The following DLC1 variants were observed in gnomAD, a reference collection of about 807,000 sequenced individuals.
DLC1 encodes the protein rho GTPase-activating protein 7.
A neutral mutation model predicts 140.3 loss-of-function variants in DLC1; 54 were observed. The ratio of observed to expected loss-of-function variants is 0.38; its 90% CI spans 0.31 to 0.48. The LOEUF (loss-of-function observed/expected upper bound fraction) is 0.48. DLC1 is among the 20% of genes least tolerant of loss of function. DLC1 has a pLI of 0.96. For synonymous variants in DLC1, 986 were observed against 728.1 expected, an observed-to-expected ratio of 1.35 and a Z score of -5.70; for missense variants, 2,536 against 1,907.0, an observed-to-expected ratio of 1.33 and a Z score of -6.14.
intron 5 of DLC1, among the ~76,000 whole-genome samples, chr8:13,188,797 G>A (rs1585871583): frequency 2.5e-5 from 2 of 79,936 alleles, no homozygotes; most frequent in Non-Finnish European, 4.9e-5. Context: ...GTGTGTGTGT[G>A]TGTGTATATA....
intron 5 of DLC1, among the ~76,000 whole-genome samples, chr8:13,149,957 C>A (rs770267474): frequency 6.6e-6 from 1 of 152,200 alleles, no homozygotes; most frequent in Non-Finnish European, 1.5e-5. Flanking sequence ...TTAAAGAAAT[C>A]TTCTCAAGGA....
chr8:13,486,403 C>T (rs1228980816), intron 2 of DLC1, among the ~76,000 whole-genome samples: 3 of 152,106 alleles, frequency 2.0e-5, no homozygotes, highest in Admixed American at 2.0e-4. Context: ...CATTTCCTTT[C>T]ATCATTTAAG....
intron 5 of DLC1, among the ~76,000 whole-genome samples, chr8:13,260,607 G>T (rs1019474775): frequency 6.6e-6 from 1 of 152,084 alleles, no homozygotes; most frequent in Non-Finnish European, 1.5e-5. Flanking sequence ...TAAAGGTGAG[G>T]ATAGGACAAG....
intron 2 of DLC1, among the ~76,000 whole-genome samples, chr8:13,452,385 T>G (rs1799106694): frequency 6.6e-6 from 1 of 152,136 alleles, no homozygotes; most frequent in Admixed American, 6.6e-5. Flanking sequence ...CAATTTATGT[T>G]ATCCTATCTA....
At chr8:13,547,217 T>A (rs1370329858) in intron 1 of DLC1, among the ~76,000 whole-genome samples, 1 of 151,716 alleles carries the variant, frequency 6.6e-6, no homozygotes, top group African/African-American at 2.4e-5. Flanking sequence ...AACTGAACAA[T>A]TTTTTTATGA....
intron 4 of DLC1, among the ~76,000 whole-genome samples, chr8:13,353,908 A>G (rs1035720232): frequency 2.0e-5 from 3 of 152,072 alleles, no homozygotes; most frequent in Non-Finnish European, 2.9e-5. Context: ...GTGCCACACT[A>G]TGAGTCAATG....
intron 2 of DLC1, among the ~76,000 whole-genome samples, chr8:13,409,953 G>C (rs1475484379): frequency 6.6e-6 from 1 of 152,078 alleles, no homozygotes; most frequent in Non-Finnish European, 1.5e-5. Flanking sequence ...AGCTAGGTTT[G>C]AGGAACATTT....
chr8:13,499,887 G>C lies in DLC1; in HGVS notation c.185C>G (p.Pro62Arg). The C allele has an allele frequency of 1.9e-6, 3 of 1,614,102 alleles. No homozygotes were observed. Among genetic ancestry groups the C allele is most frequent in the Non-Finnish European group, 2.5e-6 (3 of 1,179,994 alleles). Residue 62 changes from proline (P) to arginine (R), a missense_variant, in exon 2 of 18, where the codon CCT becomes CGT. By Grantham distance (103) the Pro-to-Arg change is moderately radical. Transcript: ENST00000276297. ...VDRKEKCVSL[P>R]DCCHGSELRD... ...CAGCTCTGATCCATGACAGCAGTCA[G>C]GTAGTGAAACACACTTCTCTTTGCG...
intron 1 of DLC1, among the ~76,000 whole-genome samples, chr8:13,570,836 G>C (rs1038403678): frequency 6.6e-6 from 1 of 151,998 alleles, no homozygotes; most frequent in African/African-American, 2.4e-5. Context: ...AGAAAGTTTA[G>C]TTTGTAGAGT....
intron 7 of DLC1, among the ~76,000 whole-genome samples, chr8:13,107,257 T>G (rs1409235183): frequency 6.6e-6 from 1 of 152,228 alleles, no homozygotes; most frequent in Non-Finnish European, 1.5e-5. Flanking sequence ...TCTACAAGTC[T>G]TCTTGCCCTG....
At chr8:13,287,340 G>A (rs1303951975) in intron 5 of DLC1, among the ~76,000 whole-genome samples, 1 of 152,024 alleles carries the variant, frequency 6.6e-6, no homozygotes, top group African/African-American at 2.4e-5. Flanking sequence ...TGAATCTAAC[G>A]ATAAAAAAAT....
intron 2 of DLC1, among the ~76,000 whole-genome samples, chr8:13,453,871 A>T (rs911904378): frequency 6.6e-6 from 1 of 152,086 alleles, no homozygotes; most frequent in African/African-American, 2.4e-5. Flanking sequence ...TTGTTTAAGT[A>T]AATAAATGTA....
intron 3 of DLC1, among the ~76,000 whole-genome samples, chr8:13,398,510 A>G (rs940818295): frequency 6.6e-6 from 1 of 151,244 alleles, no homozygotes; most frequent in East Asian, 2.0e-4. Flanking sequence ...CATGCTTATA[A>G]TCCCAACACA....
At chr8:13,245,958 C>A (rs1443113962) in intron 5 of DLC1, among the ~76,000 whole-genome samples, 1 of 152,000 alleles carries the variant, frequency 6.6e-6, no homozygotes, top group Non-Finnish European at 1.5e-5. Flanking sequence ...CGCCTCAACC[C>A]CTCAAAGTGC....
intron 2 of DLC1, among the ~76,000 whole-genome samples, chr8:13,447,060 TA>T (rs544349913): frequency 1.3e-5 from 2 of 152,164 alleles, no homozygotes; most frequent in Non-Finnish European, 2.9e-5. Context: ...TTGTGATTTT[TA>T]AAAATTTCTC....
intron 2 of DLC1, among the ~76,000 whole-genome samples, chr8:13,495,064 T>G (rs1313365816): frequency 6.6e-6 from 1 of 152,248 alleles, no homozygotes; most frequent in Admixed American, 6.5e-5. Flanking sequence ...GGTGTCTTCT[T>G]AAAGTTCAGA....
chr8:13,494,962 C>G (rs1232308895), intron 2 of DLC1, among the ~76,000 whole-genome samples: 5 of 151,996 alleles, frequency 3.3e-5, no homozygotes, highest in Admixed American at 6.6e-5. Flanking sequence ...AAGAAATAAA[C>G]AAACACACAC....
intron 5 of DLC1, among the ~76,000 whole-genome samples, chr8:13,254,528 C>T (rs896606246): frequency 1.3e-5 from 2 of 152,164 alleles, no homozygotes; most frequent in Non-Finnish European, 2.9e-5. Flanking sequence ...CCATCTAGAT[C>T]TTCCACAGTT....
At chr8:13,324,790 T>A (rs1336985183) in intron 4 of DLC1, among the ~76,000 whole-genome samples, 1 of 152,132 alleles carries the variant, frequency 6.6e-6, no homozygotes, top group African/African-American at 2.4e-5. Flanking sequence ...ACTTGAAAAT[T>A]TTGGATTTAA....
Sources: gnomAD v4.1 joint callset for allele counts (sites outside exome capture counted in the v4.1 genomes callset) on GRCh38, gnomAD v4.1.1 for gene constraint, MANE v1.5 for transcripts, NCBI Gene and HGNC (gene_info 2026-07-23, HGNC 2026-07-21) for gene names.